Variants in GLIS3 observed in about 807,000 individuals in gnomAD.
GLIS3 encodes the protein GLIS family zinc finger 3.
Under a neutral mutation model 78.6 loss-of-function variants are expected in GLIS3, and 53 were observed. That is an observed-to-expected ratio of 0.67 (90% confidence interval 0.54 to 0.85). The LOEUF (loss-of-function observed/expected upper bound fraction) is 0.85, where lower values mean the gene tolerates loss of function less well. GLIS3 is among the 40% of genes least tolerant of loss of function. The pLI, the probability that GLIS3 is intolerant of heterozygous loss-of-function variation, is 0.00. For synonymous variants in GLIS3, 684 were observed against 509.9 expected (o/e 1.34, Z -4.60); for missense variants, 1,703 against 1,231.1 (o/e 1.38, Z -5.74).
chr9:4,117,769 G>A lies in GLIS3; in HGVS notation c.1709C>T (p.Thr570Met), dbSNP rs181328309. The change falls in exon 4 of 11, where the codon ACG becomes ATG. Residue 570 changes from threonine (T) to methionine (M), a missense_variant and splice_region_variant. Transcript: ENST00000381971. ...ACCCCTTGCGCTTCGGAAACTCACCGTACACTTGTTGGGCTTCTCCCCAGA... is the reference window on the plus strand; with the variant it reads ...ACCCCTTGCGCTTCGGAAACTCACCATACACTTGTTGGGCTTCTCCCCAGA... Reference protein sequence around the residue: ...VHSGEKPNKCTFEGCEKAFSR... With the variant: ...VHSGEKPNKCMFEGCEKAFSR... The A allele has an allele frequency of 1.7e-5, 27 of 1,614,134 alleles. No homozygotes were observed. Among genetic ancestry groups the A allele is most frequent in the Admixed American group, 1.5e-4 (9 of 60,020 alleles).
At chr9:4,044,381 G>T (rs1588524522) in intron 4 of GLIS3, among the ~76,000 whole-genome samples, 1 of 152,168 alleles carries the variant, frequency 6.6e-6, no homozygotes, top group South Asian at 2.1e-4. Flanking sequence ...GTCAACATTT[G>T]TTTTCCTGAT....
the GLIS3 span, among the ~76,000 whole-genome samples, chr9:4,381,782 C>A: frequency 2.2e-4 from 33 of 152,332 alleles, no homozygotes; most frequent in African/African-American, 7.7e-4. Flanking sequence ...CCTTTACTAC[C>A]TGGCTTTCTG....
At chr9:4,272,768 TG>T (rs910169041) in intron 2 of GLIS3, among the ~76,000 whole-genome samples, 1 of 152,220 alleles carries the variant, frequency 6.6e-6, no homozygotes, top group Non-Finnish European at 1.5e-5. Flanking sequence ...TTGAATGACT[TG>T]ATCGGAAGGC....
At chr9:4,231,497 G>C (rs768830721) in intron 2 of GLIS3, among the ~76,000 whole-genome samples, 2 of 152,086 alleles carry the variant, frequency 1.3e-5, no homozygotes, top group Non-Finnish European at 1.5e-5. Context: ...AGATCTTCCA[G>C]AATTAGAGAA....
chr9:4,476,325 C>A, the GLIS3 span, among the ~76,000 whole-genome samples: 1 of 152,098 alleles, frequency 6.6e-6, no homozygotes, highest in Non-Finnish European at 1.5e-5. Flanking sequence ...ATGAGAACCA[C>A]AGAGAAATCT....
chr9:4,344,432 G>A (rs1218918458), intron 2 of GLIS3, among the ~76,000 whole-genome samples: 3 of 152,124 alleles, frequency 2.0e-5, no homozygotes, highest in Admixed American at 6.6e-5. Context: ...TGGCCTCCTG[G>A]AAATCCTGGT....
chr9:3,988,041 T>C (rs1358313809), intron 4 of GLIS3, among the ~76,000 whole-genome samples: 1 of 152,066 alleles, frequency 6.6e-6, no homozygotes, highest in Non-Finnish European at 1.5e-5. Context: ...TGATTTGGTA[T>C]ATGTATACAT....
At chr9:4,113,399 G>A (rs946498816) in intron 4 of GLIS3, among the ~76,000 whole-genome samples, 4 of 152,016 alleles carry the variant, frequency 2.6e-5, no homozygotes, top group African/African-American at 7.2e-5. Flanking sequence ...ACCTTACTAG[G>A]TATTACCACA....
chr9:3,887,289 T>C (rs951704327), intron 7 of GLIS3, among the ~76,000 whole-genome samples: 1 of 152,152 alleles, frequency 6.6e-6, no homozygotes, highest in Non-Finnish European at 1.5e-5. Flanking sequence ...ACAGCAAACA[T>C]TGGCAACTGT....
Position 4,003,332 on chromosome 9 carries a change from T to C in GLIS3, c.1711-66143A>G, listed in dbSNP as rs537717100. 3.5e-3 allele frequency among the ~76,000 whole-genome samples: 526 copies of C among 152,176 alleles called. 2 individuals carry two copies. The highest frequency in any genetic ancestry group is 0.012 in the African/African-American group (506 of 41,510). On this transcript the variant is annotated intron_variant, in intron 4 of 10. Transcript: ENST00000381971. ...ATTCTCCATAGCACAGTTATAAACA[T>C]TGCTATATATATTTTAAAAAGAGAA...
At chr9:4,006,304 CAAA>C (rs71497513) in intron 4 of GLIS3, among the ~76,000 whole-genome samples, 98 of 32,536 alleles carry the variant, frequency 3.0e-3, no homozygotes, top group African/African-American at 9.7e-3. Context: ...TCATATGTCT[CAAA>C]AAAAAAAAAA....
At chr9:4,345,797 G>C (rs1587397118) in intron 2 of GLIS3, among the ~76,000 whole-genome samples, 1 of 152,198 alleles carries the variant, frequency 6.6e-6, no homozygotes, top group Non-Finnish European at 1.5e-5. Context: ...AGCTGAAAGT[G>C]ATTGCGTCTG....
chr9:4,443,734 T>C, the GLIS3 span, among the ~76,000 whole-genome samples: 5 of 152,204 alleles, frequency 3.3e-5, no homozygotes, highest in African/African-American at 1.2e-4. Context: ...GTAACAGGCT[T>C]ATATGTCAAA....
chr9:3,839,626 C>G (rs1337481579), intron 9 of GLIS3, among the ~76,000 whole-genome samples: 1 of 151,488 alleles, frequency 6.6e-6, no homozygotes, highest in African/African-American at 2.4e-5. Context: ...TGAATTTATC[C>G]AAATCCTCAT....
intron 1 of GLIS3, among the ~76,000 whole-genome samples, chr9:4,289,781 A>C (rs747481494): frequency 3.3e-5 from 5 of 152,170 alleles, no homozygotes; most frequent in Non-Finnish European, 7.4e-5. Flanking sequence ...TCCTACAATG[A>C]AAATGTTCAT....
At chr9:4,323,101 G>A (rs1048319630) in intron 2 of GLIS3, among the ~76,000 whole-genome samples, 1 of 152,168 alleles carries the variant, frequency 6.6e-6, no homozygotes, top group Non-Finnish European at 1.5e-5. Flanking sequence ...TAAGGTGTAA[G>A]GAAGGGATCC....
chr9:4,048,662 G>C (rs1166874530), intron 4 of GLIS3, among the ~76,000 whole-genome samples: 1 of 152,026 alleles, frequency 6.6e-6, no homozygotes, highest in African/African-American at 2.4e-5. Context: ...ATCAATAGGT[G>C]GCAGCATCTC....
At chr9:4,197,151 C>T (rs1331951404) in intron 2 of GLIS3, among the ~76,000 whole-genome samples, 1 of 152,160 alleles carries the variant, frequency 6.6e-6, no homozygotes, top group African/African-American at 2.4e-5. Context: ...GTGGGGCTCT[C>T]TGTGCTCCAC....
chr9:4,415,022 A>G, the GLIS3 span, among the ~76,000 whole-genome samples: 2 of 152,184 alleles, frequency 1.3e-5, no homozygotes, highest in East Asian at 1.9e-4. Context: ...TCCTATTCCA[A>G]TAGTTCTAAA....
Sources: gnomAD v4.1 joint callset for allele counts (sites outside exome capture counted in the v4.1 genomes callset) on GRCh38, gnomAD v4.1.1 for gene constraint, MANE v1.5 for transcripts, NCBI Gene and HGNC (gene_info 2026-07-23, HGNC 2026-07-21) for gene names.